The following NCAM2 variants were observed in gnomAD, a reference collection of about 807,000 sequenced individuals.
NCAM2 encodes the protein N-CAM-2.
In NCAM2, 30 loss-of-function variants were observed where a neutral mutation model predicts 98.1. The observed-to-expected ratio is 0.31, with a 90% CI of 0.23 to 0.41. The LOEUF is 0.41. Among genes scored for constraint, NCAM2 ranks in the 10% least tolerant of loss-of-function variants. The probability of loss-of-function intolerance (pLI) is 1.00; values close to 1 mark genes in which losing one functional copy is unlikely to be tolerated. For missense variants in NCAM2, 867 were observed against 1,005.8 expected (o/e 0.86, Z 1.87); for synonymous variants, 368 against 342.4 (o/e 1.07, Z -0.83).
intron 1 of NCAM2, among the ~76,000 whole-genome samples, chr21:21,016,987 A>G (rs1169471254): frequency 1.3e-5 from 2 of 152,220 alleles, no homozygotes; most frequent in Non-Finnish European, 2.9e-5. Context: ...AGCTTATGAT[A>G]TAAAAGAAGC....
chr21:21,228,084 A>G lies in NCAM2; in HGVS notation c.56-52494A>G, dbSNP rs940735600. ...TAAAGGGTTAGAAAGATATGCATCA[A>G]TAACAAAAGAACAGGAACCTAATGG... is the stretch of plus-strand genomic sequence containing the variant. On this transcript the variant is annotated intron_variant, in intron 1 of 17. Transcript: ENST00000400546. Among the ~76,000 whole-genome samples, 95 of 151,760 alleles carry G rather than the reference A, an allele frequency of 6.3e-4. 2 individuals carry two copies. Among genetic ancestry groups the G allele is most frequent in the Admixed American group, 2.6e-4 (4 of 15,200 alleles).
intron 11 of NCAM2, among the ~76,000 whole-genome samples, chr21:21,427,503 G>A (rs1482544487): frequency 6.6e-6 from 1 of 152,176 alleles, no homozygotes; most frequent in Non-Finnish European, 1.5e-5. Flanking sequence ...AAGATGTACA[G>A]CATGATCTCA....
At chr21:21,391,215 A>G (rs1012634369) in intron 9 of NCAM2, among the ~76,000 whole-genome samples, 2 of 152,066 alleles carry the variant, frequency 1.3e-5, no homozygotes, top group Non-Finnish European at 2.9e-5. Flanking sequence ...TAGAAATAAT[A>G]ATAATATTTA....
intron 15 of NCAM2, among the ~76,000 whole-genome samples, chr21:21,498,584 T>C (rs1987412461): frequency 6.6e-6 from 1 of 152,164 alleles, no homozygotes; most frequent in Non-Finnish European, 1.5e-5. Context: ...TTAAAAAAGT[T>C]GCCAATAAGT....
At chr21:21,172,313 A>G (rs2068151315) in intron 1 of NCAM2, among the ~76,000 whole-genome samples, 1 of 152,084 alleles carries the variant, frequency 6.6e-6, no homozygotes, top group South Asian at 2.1e-4. Context: ...TATTTGTAAG[A>G]TTTTACAAAC....
At chr21:21,496,426 G>C (rs1278832868) in intron 15 of NCAM2, among the ~76,000 whole-genome samples, 4 of 151,880 alleles carry the variant, frequency 2.6e-5, no homozygotes, top group African/African-American at 9.7e-5. Flanking sequence ...TTTGAGAAGC[G>C]TCTGTCCATG....
At chr21:21,271,834 T>A (rs1234295439) in intron 1 of NCAM2, among the ~76,000 whole-genome samples, 1 of 152,118 alleles carries the variant, frequency 6.6e-6, no homozygotes, top group Non-Finnish European at 1.5e-5. Context: ...TAGAAATAAG[T>A]TCTAGTCAAT....
chr21:21,263,520 A>C (rs1038686297), intron 1 of NCAM2, among the ~76,000 whole-genome samples: 10 of 152,108 alleles, frequency 6.6e-5, no homozygotes, highest in Admixed American at 2.6e-4. Flanking sequence ...TCTAAAATTC[A>C]TAATGGACCA....
At chr21:21,425,040 CAAAAAA>C (rs1192128472) in intron 11 of NCAM2, among the ~76,000 whole-genome samples, 1,210 of 43,832 alleles carry the variant, frequency 0.028, 24 homozygotes, top group Admixed American at 0.096. Context: ...CTTCCTCCTC[CAAAAAA>C]AAAAAAAAAA....
At chr21:21,374,306 T>G in intron 9 of NCAM2, among the ~76,000 whole-genome samples, 1 of 151,956 alleles carries the variant, frequency 6.6e-6, no homozygotes, top group Admixed American at 6.6e-5. Context: ...ATATTAATTA[T>G]CAGTAATTGG....
chr21:21,167,582 G>T (rs551677346), intron 1 of NCAM2, among the ~76,000 whole-genome samples: 2 of 152,050 alleles, frequency 1.3e-5, no homozygotes, highest in African/African-American at 2.4e-5. Context: ...TTCCATTCAG[G>T]GTTCCTCAGA....
intron 5 of NCAM2, among the ~76,000 whole-genome samples, chr21:21,319,989 A>T (rs1162327191): frequency 1.3e-5 from 2 of 152,124 alleles, no homozygotes; most frequent in Non-Finnish European, 2.9e-5. Flanking sequence ...TCTTAAACCA[A>T]CTTAATGAGC....
intron 1 of NCAM2, among the ~76,000 whole-genome samples, chr21:21,084,226 C>T (rs2065865573): frequency 6.6e-6 from 1 of 152,128 alleles, no homozygotes; most frequent in Non-Finnish European, 1.5e-5. Context: ...ACCTAATAAC[C>T]TCCAAAGGCC....
intron 1 of NCAM2, among the ~76,000 whole-genome samples, chr21:21,128,136 C>T (rs1239545142): frequency 6.6e-6 from 1 of 151,992 alleles, no homozygotes; most frequent in Non-Finnish European, 1.5e-5. Flanking sequence ...TGCAATCCAA[C>T]AGAAAATATA....
At chr21:21,278,990 T>C (rs1212915579) in intron 1 of NCAM2, among the ~76,000 whole-genome samples, 1 of 152,152 alleles carries the variant, frequency 6.6e-6, no homozygotes, top group Non-Finnish European at 1.5e-5. Context: ...ACCATGTGTT[T>C]TATAATGTCA....
At chr21:21,189,375 A>G (rs1416410515) in intron 1 of NCAM2, among the ~76,000 whole-genome samples, 1 of 152,114 alleles carries the variant, frequency 6.6e-6, no homozygotes, top group Admixed American at 6.6e-5. Context: ...TTGCTTCTAG[A>G]TAAGATTTAA....
chr21:21,202,518 G>A (rs1008781860), intron 1 of NCAM2, among the ~76,000 whole-genome samples: 1 of 139,140 alleles, frequency 7.2e-6, no homozygotes, highest in African/African-American at 2.6e-5. Context: ...CCAGGTTCAA[G>A]CGGTTCTCCT....
intron 1 of NCAM2, among the ~76,000 whole-genome samples, chr21:21,148,061 C>T (rs780549698): frequency 1.3e-5 from 2 of 152,014 alleles, no homozygotes; most frequent in Admixed American, 6.6e-5. Context: ...TACCTTCCTC[C>T]CATTTTCTCC....
intron 1 of NCAM2, among the ~76,000 whole-genome samples, chr21:21,245,131 A>C (rs7509808): frequency 0.99 from 151,331 of 152,278 alleles, 75,201 homozygotes; most frequent in East Asian, 1. Flanking sequence ...CCATTCATCA[A>C]CACTACATTT....
Sources: allele counts gnomAD v4.1 joint callset (sites outside exome capture counted in the v4.1 genomes callset), GRCh38; gene constraint gnomAD v4.1.1; transcripts MANE v1.5; gene names NCBI Gene and HGNC (gene_info 2026-07-23, HGNC 2026-07-21).